RETREG3: variants seen among roughly 807,000 people sequenced by gnomAD.
RETREG3 encodes the protein reticulophagy regulator family member 3.
In RETREG3, 23 loss-of-function variants were observed where a neutral mutation model predicts 50.2. That is an observed-to-expected ratio of 0.46 (90% CI 0.33 to 0.65). RETREG3 has a LOEUF of 0.65. Among genes scored for constraint, RETREG3 ranks in the 30% least tolerant of loss-of-function variants. RETREG3 has a pLI of 0.02. For missense variants in RETREG3, 546 were observed against 598.0 expected, an observed-to-expected ratio of 0.91 and a Z score of 0.91; for synonymous variants, 240 against 234.4, an observed-to-expected ratio of 1.02 and a Z score of -0.22.
chr17:42,597,611 A>G (rs1597740073), intron 1 of RETREG3, among the ~76,000 whole-genome samples: 1 of 34,476 alleles, frequency 2.9e-5, no homozygotes, highest in Non-Finnish European at 4.8e-5. Context: ...ATATATATAT[A>G]TATATATATT....
chr17:42,593,904 G>GCCCT (rs1402595800), intron 1 of RETREG3, among the ~76,000 whole-genome samples: 1 of 151,852 alleles, frequency 6.6e-6, no homozygotes, highest in Non-Finnish European at 1.5e-5. Context: ...GAACTATAGA[G>GCCCT]CCCTGGCCAG....
At chr17:42,594,778 G>C (rs577390837) in intron 1 of RETREG3, among the ~76,000 whole-genome samples, 1 of 151,630 alleles carries the variant, frequency 6.6e-6, no homozygotes, top group East Asian at 2.0e-4. Context: ...GTGAACCTGC[G>C]AGGCGGAGCT....
At position 42,582,004 on chromosome 17, in the gene RETREG3, C is replaced by T; in HGVS notation, c.1210G>A (p.Gly404Ser). The T allele has an allele frequency of 6.2e-7, 1 of 1,614,092 alleles. No individual in the cohort carries two copies. Among genetic ancestry groups the T allele is most frequent in the South Asian group, 1.1e-5 (1 of 91,082 alleles). The change falls in exon 9 of 9, where the codon GGT (glycine) becomes AGT (serine). Residue 404 changes from glycine to serine, a missense_variant. Coordinates refer to ENST00000309428, the MANE Select transcript of RETREG3 (RefSeq NM_178126.4). Reference protein sequence around the residue: ...TSNLASLVSQGMIQLALSGAS... With the variant: ...TSNLASLVSQSMIQLALSGAS... ...CCTGACAAGGCCAGCTGAATCATAC[C>T]CTGGGAGACCAGGCTGGCAAGGTTG... is the stretch of plus-strand genomic sequence containing the variant.
chr17:42,603,266 CAT>C (rs1412293888), intron 1 of RETREG3, among the ~76,000 whole-genome samples: 9 of 152,112 alleles, frequency 5.9e-5, no homozygotes, highest in South Asian at 2.1e-4. Flanking sequence ...ATAATGACCA[CAT>C]GTCTATTTTC....
At chr17:42,605,481 T>G (rs2143432721) in intron 1 of RETREG3, among the ~76,000 whole-genome samples, 1 of 152,324 alleles carries the variant, frequency 6.6e-6, no homozygotes, top group South Asian at 2.1e-4. Flanking sequence ...CTAAGCGAAA[T>G]GTCAACACTC....
At position 42,580,683 on chromosome 17, in the gene RETREG3, G is replaced by A. The variant is rs1196402038; in HGVS notation, c.*1130C>T. ...GGGGTTCAGGCCCCAAGAAATGATG[G>A]GCTAGATGAGAGGGAGCAGGCCTGT... On this transcript the variant is annotated 3_prime_UTR_variant, in exon 9 of 9. Transcript: ENST00000309428. The A allele has an allele frequency of 1.3e-5, 2 of 152,406 alleles. No individual in the cohort carries two copies. The highest frequency in any genetic ancestry group is 2.9e-5 in the Non-Finnish European group (2 of 68,016). 9.4% of individuals were successfully genotyped at this position (152,406 alleles called of 1,614,324 possible). A position where few individuals can be genotyped will look rare whatever the true frequency, so the allele number is the denominator to read the frequency against.
intron 2 of RETREG3, among the ~76,000 whole-genome samples, chr17:42,591,342 CTT>C (rs796516343): frequency 1.3e-4 from 18 of 140,272 alleles, no homozygotes; most frequent in Admixed American, 2.8e-4. Context: ...ATGGTACTTT[CTT>C]TTTTTTTTTT....
chr17:42,581,518 A>G lies in RETREG3; in HGVS notation c.*295T>C. The G allele has an allele frequency of 3.0e-6, 1 of 328,424 alleles. No individual in the cohort carries two copies. Among genetic ancestry groups the G allele is most frequent in the Non-Finnish European group, 5.6e-6 (1 of 178,962 alleles). The allele number at this position is 328,424 out of a possible 1,614,324, so 20.3% of individuals were successfully genotyped here. On this transcript the variant is annotated 3_prime_UTR_variant, in exon 9 of 9. Transcript: ENST00000309428. ...AAAGCAAACAGCAGCACCTCCTCAA[A>G]GGGGAACCAATATCCCTGACTATTT...
At chr17:42,596,936 C>T (rs1226519784) in intron 1 of RETREG3, among the ~76,000 whole-genome samples, 1 of 151,364 alleles carries the variant, frequency 6.6e-6, no homozygotes, top group African/African-American at 2.4e-5. Flanking sequence ...GCAATGGCGC[C>T]ATCTTGGCTC....
intron 1 of RETREG3, among the ~76,000 whole-genome samples, chr17:42,599,591 T>G (rs763936780): frequency 6.6e-6 from 1 of 150,558 alleles, no homozygotes; most frequent in South Asian, 2.1e-4. Context: ...GAGGCAGAGG[T>G]TGCAGTGAGC....
chr17:42,589,198 A>G (rs1276363632), intron 2 of RETREG3, among the ~76,000 whole-genome samples: 1 of 152,162 alleles, frequency 6.6e-6, no homozygotes, highest in Non-Finnish European at 1.5e-5. Context: ...CAGATGAACT[A>G]CACGATTCCT....
intron 5 of RETREG3, among the ~76,000 whole-genome samples, chr17:42,585,672 A>G (rs1312883016): frequency 6.6e-6 from 1 of 152,222 alleles, no homozygotes; most frequent in African/African-American, 2.4e-5. Flanking sequence ...TTACAAAACT[A>G]TGCTCCAAGT....
chr17:42,593,603 G>A (rs1274883092), intron 1 of RETREG3, among the ~76,000 whole-genome samples: 5 of 145,264 alleles, frequency 3.4e-5, no homozygotes, highest in Admixed American at 7.0e-5. Flanking sequence ...AGCCAAGATC[G>A]CGCCACTGCA....
At chr17:42,592,780 C>T (rs920554751) in intron 1 of RETREG3, among the ~76,000 whole-genome samples, 3 of 152,014 alleles carry the variant, frequency 2.0e-5, no homozygotes, top group Admixed American at 6.6e-5. Flanking sequence ...GGTGAAACTC[C>T]GTATCTACCA....
chr17:42,606,582 C>G (rs1444367746), intron 1 of RETREG3, among the ~76,000 whole-genome samples: 1 of 151,344 alleles, frequency 6.6e-6, no homozygotes, highest in Non-Finnish European at 1.5e-5. Flanking sequence ...GCCTGGGCGA[C>G]AGAGCGAGAC....
At chr17:42,585,721 G>C (rs1406521413) in intron 5 of RETREG3, among the ~76,000 whole-genome samples, 1 of 152,144 alleles carries the variant, frequency 6.6e-6, no homozygotes, top group Non-Finnish European at 1.5e-5. Flanking sequence ...ACCTAGCAGA[G>C]AAACCCCTAA....
intron 3 of RETREG3, 113 bp downstream of exon 3, chr17:42,587,721 T>C (rs113567732): frequency 2.3e-6 from 3 of 1,297,140 alleles, no homozygotes; most frequent in Non-Finnish European, 3.3e-6. Flanking sequence ...TGGAACAGCC[T>C]AGGTTCTCAG....
chr17:42,582,240 G>T lies in RETREG3; in HGVS notation c.974C>A (p.Ser325Tyr). 6.2e-7 allele frequency: 1 copy of T among 1,608,620 alleles called. No individual in the cohort carries two copies. Among genetic ancestry groups the T allele is most frequent in the Non-Finnish European group, 8.5e-7 (1 of 1,179,876 alleles). Reference protein sequence around the residue: ...DLDGHSDPEESFARDLPDFPS... With the variant: ...DLDGHSDPEEYFARDLPDFPS... ...GAAGTCTGGAAGGTCTCTGGCAAAG[G>T]ATTCCTCTGGATCACTGTGACCATC... Residue 325 changes from serine to tyrosine, a missense_variant, in exon 9 of 9, where the codon TCC becomes TAC. Physicochemically the swap from Ser to Tyr is moderately radical, Grantham distance 144. Coordinates refer to ENST00000309428, the MANE Select transcript of RETREG3 (RefSeq NM_178126.4).
chr17:42,597,679 G>C (rs1044988350), intron 1 of RETREG3, among the ~76,000 whole-genome samples: 1 of 122,662 alleles, frequency 8.2e-6, no homozygotes, highest in Non-Finnish European at 1.6e-5. Context: ...ACCCAGGCTA[G>C]AGTGCAGTGG....
Sources: allele counts gnomAD v4.1 joint callset (sites outside exome capture counted in the v4.1 genomes callset), GRCh38; gene constraint gnomAD v4.1.1; transcripts MANE v1.5; gene names NCBI Gene and HGNC (gene_info 2026-07-23, HGNC 2026-07-21).